Variants in RNGTT observed in about 807,000 individuals in gnomAD.
RNGTT encodes the protein RNA guanylyltransferase and 5'-phosphatase, also known as mRNA-capping enzyme.
A neutral mutation model predicts 79.3 loss-of-function variants in RNGTT; 33 were observed. The ratio of observed to expected loss-of-function variants is 0.42; its 90% CI spans 0.32 to 0.56. The LOEUF (loss-of-function observed/expected upper bound fraction) is 0.56. Ranked by LOEUF, RNGTT falls within the 20% of genes least tolerant of loss-of-function variation. The probability of loss-of-function intolerance (pLI) is 0.17; values close to 1 mark genes in which losing one functional copy is unlikely to be tolerated. For missense variants in RNGTT, 497 were observed against 739.1 expected (o/e 0.67, Z 3.80); for synonymous variants, 222 against 235.9 (o/e 0.94, Z 0.54).
At chr6:88,824,588 A>G (rs1780594553) in intron 11 of RNGTT, among the ~76,000 whole-genome samples, 1 of 152,174 alleles carries the variant, frequency 6.6e-6, no homozygotes, top group Non-Finnish European at 1.5e-5. Flanking sequence ...CTACTCAATA[A>G]CCATGTTTGG....
Position 88,638,684 on chromosome 6 carries a change from T to C in RNGTT, c.1507-24289A>G, listed in dbSNP as rs371009163. Among the ~76,000 whole-genome samples, 8 of 152,172 alleles carry C rather than the reference T, an allele frequency of 5.3e-5. No homozygotes were observed. The East Asian group carries it at 5.8e-4, about 11-fold the overall frequency. ...ATTCTAGAAAATAAAATATTCGTTATTTTTATTTTCTTTTAGTAAATCAGA... is the reference window on the plus strand; with the variant it reads ...ATTCTAGAAAATAAAATATTCGTTACTTTTATTTTCTTTTAGTAAATCAGA... On this transcript the variant is annotated intron_variant, in intron 14 of 15. Coordinates refer to ENST00000369485, the MANE Select transcript of RNGTT (RefSeq NM_003800.5).
chr6:88,868,903 T>G (rs903154897), intron 8 of RNGTT, among the ~76,000 whole-genome samples: 1 of 152,090 alleles, frequency 6.6e-6, no homozygotes, highest in African/African-American at 2.4e-5. Context: ...CAGAAAAAAA[T>G]TTTACTGAAA....
At chr6:88,620,428 A>T (rs1772400558) in intron 14 of RNGTT, among the ~76,000 whole-genome samples, 1 of 152,216 alleles carries the variant, frequency 6.6e-6, no homozygotes, top group East Asian at 1.9e-4. Flanking sequence ...AAACAAAAAC[A>T]TGTTAGTAGT....
At chr6:88,923,718 C>T (rs1189767792) in intron 4 of RNGTT, among the ~76,000 whole-genome samples, 1 of 152,112 alleles carries the variant, frequency 6.6e-6, no homozygotes, top group East Asian at 1.9e-4. Context: ...CTCTTCCTTA[C>T]GATCCCTTTT....
At chr6:88,796,566 G>A (rs1033735359) in intron 12 of RNGTT, among the ~76,000 whole-genome samples, 7 of 152,124 alleles carry the variant, frequency 4.6e-5, no homozygotes, top group African/African-American at 1.7e-4. Flanking sequence ...GTCCCTAGTA[G>A]AAATGTATAA....
chr6:88,730,339 C>T (rs775932552), intron 13 of RNGTT, among the ~76,000 whole-genome samples: 10 of 152,074 alleles, frequency 6.6e-5, no homozygotes, highest in Non-Finnish European at 1.5e-4. Context: ...TTAAATTAGC[C>T]AATTGGAATT....
At chr6:88,630,809 GT>G (rs1253077776) in intron 14 of RNGTT, among the ~76,000 whole-genome samples, 2 of 151,240 alleles carry the variant, frequency 1.3e-5, no homozygotes, top group Admixed American at 6.6e-5. Context: ...TTAGTAACTT[GT>G]TTTTTTGCTT....
At chr6:88,830,749 A>C (rs1780833134) in intron 11 of RNGTT, among the ~76,000 whole-genome samples, 1 of 152,224 alleles carries the variant, frequency 6.6e-6, no homozygotes, top group Non-Finnish European at 1.5e-5. Context: ...AAAATGAAAA[A>C]GGAGATATCA....
intron 14 of RNGTT, among the ~76,000 whole-genome samples, chr6:88,651,660 C>T (rs1312552603): frequency 2.0e-5 from 3 of 151,856 alleles, no homozygotes; most frequent in African/African-American, 7.2e-5. Flanking sequence ...TAACATTTCA[C>T]AATAAGATGT....
chr6:88,744,998 T>A (rs1466144030), intron 13 of RNGTT, among the ~76,000 whole-genome samples: 1 of 152,170 alleles, frequency 6.6e-6, no homozygotes, highest in Admixed American at 6.6e-5. Context: ...AACAAAGTAT[T>A]TTTCCTGGAA....
intron 9 of RNGTT, among the ~76,000 whole-genome samples, chr6:88,852,382 C>G (rs59456292): frequency 6.6e-6 from 1 of 151,982 alleles, no homozygotes; most frequent in South Asian, 2.1e-4. Context: ...AATTATAATG[C>G]TAAAAAAAGT....
intron 6 of RNGTT, among the ~76,000 whole-genome samples, chr6:88,902,154 T>G (rs1222542794): frequency 6.6e-6 from 1 of 151,746 alleles, no homozygotes; most frequent in East Asian, 1.9e-4. Context: ...ACCACTGCAC[T>G]CCAGCCTGGA....
chr6:88,619,483 TA>T (rs1357530382), intron 14 of RNGTT, among the ~76,000 whole-genome samples: 1 of 152,188 alleles, frequency 6.6e-6, no homozygotes, highest in Non-Finnish European at 1.5e-5. Context: ...GGGATTTTTT[TA>T]AAGAACAGAA....
chr6:88,868,271 T>A (rs1782239692), intron 8 of RNGTT, among the ~76,000 whole-genome samples: 2 of 152,134 alleles, frequency 1.3e-5, no homozygotes, highest in Non-Finnish European at 2.9e-5. Flanking sequence ...TTTAATAGCC[T>A]CCTAAGAACA....
chr6:88,702,901 G>A (rs1197377711), intron 13 of RNGTT, among the ~76,000 whole-genome samples: 2 of 152,034 alleles, frequency 1.3e-5, no homozygotes, highest in South Asian at 2.1e-4. Flanking sequence ...GATATGAGTA[G>A]AGATCTCTCA....
At position 88,872,255 on chromosome 6, in the gene RNGTT, C is replaced by T. The variant is rs907876183; in HGVS notation, c.896+18240G>A. ...GGTACAGGAAAGTTTTTCCTCCCCA[C>T]TGGTAAGAAATGGAGGTCTCATGCC... On this transcript the variant is annotated intron_variant, in intron 8 of 15. Coordinates refer to ENST00000369485, the MANE Select transcript of RNGTT (RefSeq NM_003800.5). Among the ~76,000 whole-genome samples, 5 of 152,196 alleles carry T rather than the reference C, an allele frequency of 3.3e-5. No individual in the cohort carries two copies. In the South Asian group the frequency reaches 1.0e-3, roughly 32 times the overall value.
At chr6:88,813,828 G>A (rs573266245) in intron 11 of RNGTT, among the ~76,000 whole-genome samples, 28 of 152,218 alleles carry the variant, frequency 1.8e-4, no homozygotes, top group African/African-American at 6.7e-4. Context: ...TCCATCACAA[G>A]CTTTTCCCAT....
At chr6:88,871,074 T>C (rs1782338625) in intron 8 of RNGTT, among the ~76,000 whole-genome samples, 2 of 152,244 alleles carry the variant, frequency 1.3e-5, no homozygotes, top group South Asian at 2.1e-4. Context: ...TACTGGAGGA[T>C]TTTGCTCCAA....
chr6:88,657,946 C>A (rs1774040553), intron 14 of RNGTT, among the ~76,000 whole-genome samples: 1 of 152,134 alleles, frequency 6.6e-6, no homozygotes, highest in South Asian at 2.1e-4. Flanking sequence ...CCCAATCCTG[C>A]CCCATCTGAT....
Sources: allele counts gnomAD v4.1 joint callset (sites outside exome capture counted in the v4.1 genomes callset), GRCh38; gene constraint gnomAD v4.1.1; transcripts MANE v1.5; gene names NCBI Gene and HGNC (gene_info 2026-07-23, HGNC 2026-07-21).